Variants in CNTN4 observed in about 807,000 individuals in gnomAD.
The protein encoded by CNTN4 is contactin 4.
Under a neutral mutation model 122.5 loss-of-function variants are expected in CNTN4, and 77 were observed. The observed-to-expected ratio is 0.63, with a 90% CI of 0.52 to 0.76. CNTN4 has a LOEUF of 0.76. Among genes scored for constraint, CNTN4 ranks in the 30% least tolerant of loss-of-function variants. The pLI is 0.00. For missense variants in CNTN4, 1,256 were observed against 1,259.1 expected (o/e 1.00, Z 0.04); for synonymous variants, 512 against 447.0 (o/e 1.15, Z -1.83).
intron 3 of CNTN4, among the ~76,000 whole-genome samples, chr3:2,533,790 A>C (rs992972625): frequency 2.0e-5 from 3 of 152,042 alleles, no homozygotes; most frequent in Non-Finnish European, 2.9e-5. Flanking sequence ...TGACTCTTTA[A>C]TGATTGCCAT....
In CNTN4 at chr3:2,409,373, G is replaced by A. The variant is rs536553633; in HGVS notation, c.-89+70140G>A. ...GGCCATTCTCCTGCCTCAGCCTCAC[G>A]AGTAGCTGGGACTACAGGCGCCCGC... On this transcript the variant is annotated intron_variant, in intron 3 of 24. Coordinates refer to ENST00000418658, the MANE Select transcript of CNTN4 (RefSeq NM_175607.3). Among the ~76,000 whole-genome samples the A allele has an allele frequency of 7.3e-5, 11 of 150,760 alleles. No homozygotes were observed. The East Asian group carries it at 1.6e-3, about 21-fold the overall frequency.
At chr3:2,486,915 C>G in intron 3 of CNTN4, among the ~76,000 whole-genome samples, 1 of 152,200 alleles carries the variant, frequency 6.6e-6, no homozygotes, top group East Asian at 1.9e-4. Flanking sequence ...TTATATAAAA[C>G]AACATATTTA....
intron 6 of CNTN4, among the ~76,000 whole-genome samples, chr3:2,752,162 C>G (rs931781436): frequency 6.6e-6 from 1 of 152,134 alleles, no homozygotes; most frequent in Non-Finnish European, 1.5e-5. Flanking sequence ...CTATCACTTA[C>G]AAAAACTTAA....
chr3:2,778,091 G>A (rs1378468045), intron 6 of CNTN4, among the ~76,000 whole-genome samples: 1 of 144,810 alleles, frequency 6.9e-6, no homozygotes, highest in African/African-American at 2.6e-5. Context: ...GCGGGCGCCT[G>A]TAGTCCCAGC....
At chr3:2,404,861 C>T (rs2046976987) in intron 3 of CNTN4, among the ~76,000 whole-genome samples, 2 of 152,098 alleles carry the variant, frequency 1.3e-5, no homozygotes, top group South Asian at 4.1e-4. Flanking sequence ...TTAGAATGTA[C>T]TAGGTGCTTT....
intron 13 of CNTN4, among the ~76,000 whole-genome samples, chr3:2,977,252 A>T (rs1484852968): frequency 2.0e-5 from 3 of 152,210 alleles, no homozygotes; most frequent in Non-Finnish European, 4.4e-5. Flanking sequence ...ATAGGTTGCC[A>T]TTTTGGTGTA....
intron 2 of CNTN4, among the ~76,000 whole-genome samples, chr3:2,105,521 C>G (rs531484526): frequency 6.6e-6 from 1 of 152,098 alleles, no homozygotes; most frequent in African/African-American, 2.4e-5. Context: ...TGGCGGCAGG[C>G]AAGAGACAGT....
At chr3:2,515,227 C>T (rs1053323147) in intron 3 of CNTN4, among the ~76,000 whole-genome samples, 1 of 152,070 alleles carries the variant, frequency 6.6e-6, no homozygotes, top group Admixed American at 6.6e-5. Context: ...AGTTATGCTG[C>T]ATATGTAAGT....
chr3:2,576,591 A>G (rs1466839209), intron 4 of CNTN4, among the ~76,000 whole-genome samples: 4 of 142,700 alleles, frequency 2.8e-5, no homozygotes, highest in Non-Finnish European at 6.0e-5. Flanking sequence ...TCTGTCTTCC[A>G]GGCTGAAGTG....
chr3:2,852,772 C>T (rs1355753625), intron 7 of CNTN4, among the ~76,000 whole-genome samples: 46 of 152,310 alleles, frequency 3.0e-4, no homozygotes, highest in Admixed American at 3.0e-3. Context: ...AATAATACTT[C>T]ACACACCCAA....
rs532712813 is a variant in CNTN4 at position 3,057,707 on chromosome 3, C to G, written c.*1487C>G. 36 of 152,492 alleles carry G rather than the reference C, an allele frequency of 2.4e-4. No homozygotes were observed. The highest frequency in any genetic ancestry group is 8.7e-4 in the African/African-American group (36 of 41,482). 9.4% of individuals were successfully genotyped at this position (152,492 alleles called of 1,614,324 possible). ...AATCGGGATTCCATTTGTGTAAAAA[C>G]TAGGGTGGTAACCGGAAAAAAATAT... On this transcript the variant is annotated 3_prime_UTR_variant, in exon 25 of 25. Transcript: ENST00000418658.
At chr3:2,818,492 C>G (rs1052899351) in intron 6 of CNTN4, among the ~76,000 whole-genome samples, 1 of 152,072 alleles carries the variant, frequency 6.6e-6, no homozygotes, top group South Asian at 2.1e-4. Context: ...CAACCCTGCA[C>G]AACATACTTG....
At chr3:2,726,209 G>T (rs2088211617) in intron 4 of CNTN4, among the ~76,000 whole-genome samples, 1 of 152,058 alleles carries the variant, frequency 6.6e-6, no homozygotes, top group African/African-American at 2.4e-5. Context: ...ACTACAAAAG[G>T]GTTTTTTCCT....
At chr3:2,752,464 C>G (rs1318392759) in intron 6 of CNTN4, among the ~76,000 whole-genome samples, 1 of 152,190 alleles carries the variant, frequency 6.6e-6, no homozygotes, top group Non-Finnish European at 1.5e-5. Flanking sequence ...CTCCCGGGTC[C>G]AAGCGATTTT....
At chr3:2,941,621 A>C (rs569637462) in intron 13 of CNTN4, among the ~76,000 whole-genome samples, 1 of 152,314 alleles carries the variant, frequency 6.6e-6, no homozygotes, top group South Asian at 2.1e-4. Flanking sequence ...TTGCTGGTGC[A>C]CTGGCCCAAC....
At chr3:2,788,097 A>G (rs73807944) in intron 6 of CNTN4, among the ~76,000 whole-genome samples, 3,865 of 152,214 alleles carry the variant, frequency 0.025, 156 homozygotes, top group African/African-American at 0.088. Flanking sequence ...ATAATAATAT[A>G]TAATGTAATC....
chr3:2,821,906 CTG>C lies in CNTN4; in HGVS notation c.454+2327_454+2328del, dbSNP rs2092884099. ...TTTTAGATTTGGAATTTGAAAAACACTGTTTTATTTTTGTCCTCTGTTCAAAA... is the reference window on the plus strand; with the variant it reads ...TTTTAGATTTGGAATTTGAAAAACACTTTTATTTTTGTCCTCTGTTCAAAA... On this transcript the variant is annotated intron_variant, in intron 7 of 24. Transcript: ENST00000418658. Among the ~76,000 whole-genome samples the C allele has an allele frequency of 2.0e-5, 3 of 152,318 alleles. No individual in the cohort carries two copies. The South Asian group carries it at 6.2e-4, about 32-fold the overall frequency.
intron 3 of CNTN4, among the ~76,000 whole-genome samples, chr3:2,482,528 A>G (rs2076034395): frequency 6.6e-6 from 1 of 152,212 alleles, no homozygotes; most frequent in Admixed American, 6.5e-5. Context: ...CAATGGGGAA[A>G]CTGTCCCCAG....
intron 7 of CNTN4, among the ~76,000 whole-genome samples, chr3:2,823,350 G>A (rs149223912): frequency 3.3e-5 from 5 of 152,278 alleles, no homozygotes; most frequent in African/African-American, 4.8e-5. Context: ...AAAGCTGTGC[G>A]GTGTCAGACC....
Sources: allele counts gnomAD v4.1 joint callset (sites outside exome capture counted in the v4.1 genomes callset), GRCh38; gene constraint gnomAD v4.1.1; transcripts MANE v1.5; gene names NCBI Gene and HGNC (gene_info 2026-07-23, HGNC 2026-07-21).